DYNC1I1: variants seen among roughly 807,000 people sequenced by gnomAD.
The protein encoded by DYNC1I1 is dynein cytoplasmic 1 intermediate chain 1.
In DYNC1I1, 43 loss-of-function variants were observed where a neutral mutation model predicts 86.6. That is an observed-to-expected ratio of 0.50 (90% CI 0.39 to 0.64). The LOEUF (loss-of-function observed/expected upper bound fraction) is 0.64. DYNC1I1 is among the 30% of genes least tolerant of loss of function. The pLI is 0.00. For missense variants in DYNC1I1, 604 were observed against 788.8 expected, an observed-to-expected ratio of 0.77 and a Z score of 2.81; for synonymous variants, 262 against 283.7, an observed-to-expected ratio of 0.92 and a Z score of 0.77.
At chr7:96,045,943 G>A (rs1201236135) in intron 14 of DYNC1I1, among the ~76,000 whole-genome samples, 5 of 152,190 alleles carry the variant, frequency 3.3e-5, no homozygotes, top group African/African-American at 4.8e-5. Context: ...GATGCTAATC[G>A]TTACATATTC....
In DYNC1I1 at chr7:95,878,865, A is replaced by G. The variant is rs117311597; in HGVS notation, c.490+8867A>G. Among the ~76,000 whole-genome samples the G allele has an allele frequency of 7.2e-5, 11 of 152,064 alleles. No homozygotes were observed. In the East Asian group the frequency reaches 7.8e-4, roughly 11 times the overall value. ...AATTTTCACTTACAAGAGAACCTCA[A>G]TAAGATAAACTGCTGACTTCTTATC... On this transcript the variant is annotated intron_variant, in intron 6 of 16. Coordinates refer to ENST00000447467, the MANE Select transcript of DYNC1I1 (RefSeq NM_001135556.2).
At chr7:95,987,279 C>T in intron 9 of DYNC1I1, 124 bp downstream of exon 9, 1 of 802,542 alleles carries the variant, frequency 1.2e-6, no homozygotes, top group Non-Finnish European at 2.0e-6. Context: ...TTTTTCCCCT[C>T]ATTTTATTGA....
chr7:95,935,144 CT>C (rs1357878720), intron 6 of DYNC1I1, among the ~76,000 whole-genome samples: 3 of 152,016 alleles, frequency 2.0e-5, no homozygotes, highest in Non-Finnish European at 4.4e-5. Flanking sequence ...TCCCCTCCCC[CT>C]CAGCCTGTTT....
At chr7:95,871,061 G>A (rs1219681403) in intron 6 of DYNC1I1, among the ~76,000 whole-genome samples, 4 of 152,144 alleles carry the variant, frequency 2.6e-5, no homozygotes, top group African/African-American at 4.8e-5. Context: ...AAAAATCAGT[G>A]CATTTTTGTT....
At chr7:95,915,909 T>C (rs1195934268) in intron 6 of DYNC1I1, among the ~76,000 whole-genome samples, 1 of 152,214 alleles carries the variant, frequency 6.6e-6, no homozygotes, top group Non-Finnish European at 1.5e-5. Context: ...GAAACTGCGC[T>C]TGGTAGTCTT....
At chr7:95,985,546 G>C (rs2115689158) in intron 8 of DYNC1I1, among the ~76,000 whole-genome samples, 1 of 152,234 alleles carries the variant, frequency 6.6e-6, no homozygotes, top group African/African-American at 2.4e-5. Context: ...GACTTCCTCT[G>C]TGACTGTAGC....
At chr7:96,088,362 A>G (rs1790744693) in intron 16 of DYNC1I1, among the ~76,000 whole-genome samples, 1 of 152,180 alleles carries the variant, frequency 6.6e-6, no homozygotes, top group Non-Finnish European at 1.5e-5. Flanking sequence ...CATTTTGGTG[A>G]TAAATGATCT....
chr7:96,061,461 G>A (rs1789763967), intron 14 of DYNC1I1, among the ~76,000 whole-genome samples: 1 of 152,036 alleles, frequency 6.6e-6, no homozygotes, highest in East Asian at 1.9e-4. Flanking sequence ...GAGTGGGTGG[G>A]CATTGGGGAA....
At chr7:96,006,852 AT>A (rs1170798015) in intron 10 of DYNC1I1, among the ~76,000 whole-genome samples, 42 of 152,342 alleles carry the variant, frequency 2.8e-4, no homozygotes, top group African/African-American at 1.0e-3. Flanking sequence ...CAAACTTGTA[AT>A]TAAACATCTG....
chr7:95,864,803 C>A (rs1261368155), intron 5 of DYNC1I1, among the ~76,000 whole-genome samples: 1 of 151,990 alleles, frequency 6.6e-6, no homozygotes, highest in Non-Finnish European at 1.5e-5. Context: ...AGACGTCTGC[C>A]CATTCAGTGG....
At chr7:95,832,110 C>T in intron 5 of DYNC1I1, among the ~76,000 whole-genome samples, 1 of 102,084 alleles carries the variant, frequency 9.8e-6, no homozygotes, top group Non-Finnish European at 1.9e-5. Context: ...CAATGCTATC[C>T]CTCCCCCCTC....
intron 6 of DYNC1I1, among the ~76,000 whole-genome samples, chr7:95,939,873 A>G (rs545128065): frequency 2.6e-5 from 4 of 152,114 alleles, no homozygotes; most frequent in Non-Finnish European, 5.9e-5. Flanking sequence ...TCGTTAGTTG[A>G]TGGAGTTTCT....
At chr7:96,092,247 A>G (rs1790870769) in intron 16 of DYNC1I1, among the ~76,000 whole-genome samples, 1 of 152,224 alleles carries the variant, frequency 6.6e-6, no homozygotes, top group Non-Finnish European at 1.5e-5. Flanking sequence ...AGGAAGAAAG[A>G]AAATAAAAAA....
intron 5 of DYNC1I1, among the ~76,000 whole-genome samples, chr7:95,849,861 C>G (rs1490330222): frequency 6.6e-6 from 1 of 152,114 alleles, no homozygotes; most frequent in African/African-American, 2.4e-5. Flanking sequence ...CATGGAATAT[C>G]TATCAATTTA....
intron 6 of DYNC1I1, among the ~76,000 whole-genome samples, chr7:95,893,952 T>G (rs1297374364): frequency 6.6e-6 from 1 of 152,166 alleles, no homozygotes; most frequent in African/African-American, 2.4e-5. Flanking sequence ...TTTGAAGTGA[T>G]GTGAAAATTT....
At chr7:95,990,846 A>G (rs1793711240) in intron 9 of DYNC1I1, among the ~76,000 whole-genome samples, 1 of 152,060 alleles carries the variant, frequency 6.6e-6, no homozygotes, top group East Asian at 1.9e-4. Flanking sequence ...CCTGGGCAAC[A>G]TGGCAAAACC....
chr7:95,929,005 C>A lies in DYNC1I1; in HGVS notation c.491-48507C>A, dbSNP rs1231325309. ...AGTTGATACAACAGTGTTCAAGATA[C>A]TCCTCGTTTGAAGATAAGAGTCCTG... On this transcript the variant is annotated intron_variant, in intron 6 of 16. Transcript: ENST00000447467. Among the ~76,000 whole-genome samples the A allele has an allele frequency of 2.0e-5, 3 of 152,178 alleles. No individual in the cohort carries two copies. In the East Asian group the frequency reaches 5.8e-4, roughly 29 times the overall value.
At chr7:95,855,693 T>C (rs557327551) in intron 5 of DYNC1I1, among the ~76,000 whole-genome samples, 48 of 152,320 alleles carry the variant, frequency 3.2e-4, no homozygotes, top group African/African-American at 1.1e-3. Flanking sequence ...GTATGACATG[T>C]TACTATATTG....
intron 10 of DYNC1I1, among the ~76,000 whole-genome samples, chr7:96,021,871 A>T (rs1209220749): frequency 6.6e-6 from 1 of 152,194 alleles, no homozygotes; most frequent in African/African-American, 2.4e-5. Flanking sequence ...ATTCCATTGT[A>T]TGGATTTACC....
Sources: gnomAD v4.1 joint callset for allele counts (sites outside exome capture counted in the v4.1 genomes callset) on GRCh38, gnomAD v4.1.1 for gene constraint, MANE v1.5 for transcripts, NCBI Gene and HGNC (gene_info 2026-07-23, HGNC 2026-07-21) for gene names.